TMEM117: variants seen among roughly 807,000 people sequenced by gnomAD.
TMEM117 encodes the protein transmembrane protein 117.
A neutral mutation model predicts 52.4 loss-of-function variants in TMEM117; 27 were observed. That is an observed-to-expected ratio of 0.51 (90% confidence interval 0.38 to 0.71). The LOEUF (loss-of-function observed/expected upper bound fraction) is 0.71, where lower values mean the gene tolerates loss of function less well. TMEM117 is among the 30% of genes least tolerant of loss of function. The pLI, the probability that TMEM117 is intolerant of heterozygous loss-of-function variation, is 0.00. For missense variants in TMEM117, 556 were observed against 630.5 expected, an observed-to-expected ratio of 0.88 and a Z score of 1.26; for synonymous variants, 215 against 206.3, an observed-to-expected ratio of 1.04 and a Z score of -0.36.
intron 4 of TMEM117, among the ~76,000 whole-genome samples, chr12:44,170,207 C>T (rs1354314194): frequency 6.7e-6 from 1 of 149,226 alleles, no homozygotes; most frequent in Non-Finnish European, 1.5e-5. Context: ...AAAAACCAAA[C>T]ACCACATGTT....
At chr12:43,895,065 G>A (rs1360815747) in intron 2 of TMEM117, among the ~76,000 whole-genome samples, 1 of 152,088 alleles carries the variant, frequency 6.6e-6, no homozygotes, top group Non-Finnish European at 1.5e-5. Context: ...TGTCATGGGG[G>A]TTTGTTGTGC....
chr12:43,819,500 C>T, the TMEM117 span, among the ~76,000 whole-genome samples: 1 of 152,058 alleles, frequency 6.6e-6, no homozygotes, highest in South Asian at 2.1e-4. Flanking sequence ...GGCGGCTGGG[C>T]GGGATGGCTC....
intron 3 of TMEM117, among the ~76,000 whole-genome samples, chr12:43,993,194 T>C (rs1357036962): frequency 6.6e-6 from 1 of 152,210 alleles, no homozygotes; most frequent in Non-Finnish European, 1.5e-5. Flanking sequence ...ACTGTAGTCT[T>C]TGTGCCAGAA....
intron 3 of TMEM117, among the ~76,000 whole-genome samples, chr12:43,991,328 C>T (rs1945935045): frequency 6.6e-6 from 1 of 152,146 alleles, no homozygotes; most frequent in South Asian, 2.1e-4. Flanking sequence ...ATATCCTTGA[C>T]AAATCGTCAC....
chr12:44,017,134 A>G (rs777295714), intron 3 of TMEM117, among the ~76,000 whole-genome samples: 88 of 152,100 alleles, frequency 5.8e-4, no homozygotes, highest in Non-Finnish European at 1.2e-4. Flanking sequence ...AATGTTTAGT[A>G]AAGATGAGCA....
At chr12:44,285,891 T>G (rs1448219824) in intron 5 of TMEM117, among the ~76,000 whole-genome samples, 1 of 152,248 alleles carries the variant, frequency 6.6e-6, no homozygotes. Flanking sequence ...CTTCTGCTTT[T>G]GCCTGTTTAT....
intron 4 of TMEM117, among the ~76,000 whole-genome samples, chr12:44,201,704 C>T (rs1949497884): frequency 6.6e-6 from 1 of 152,070 alleles, no homozygotes. Flanking sequence ...AAAAATGTGA[C>T]CCAATAATTT....
chr12:44,386,408 G>C (rs1952088624), intron 7 of TMEM117, among the ~76,000 whole-genome samples: 1 of 151,846 alleles, frequency 6.6e-6, no homozygotes. Context: ...TTTCCAGTTG[G>C]GTATGCCCAA....
intron 3 of TMEM117, chr12:44,008,862 T>C: frequency 2.3e-6 from 1 of 436,294 alleles, no homozygotes; most frequent in Non-Finnish European, 4.5e-6. Context: ...GTGTCATGAC[T>C]AAAGCATTTC....
intron 3 of TMEM117, among the ~76,000 whole-genome samples, chr12:44,132,159 C>T (rs1012313698): frequency 6.7e-6 from 1 of 149,602 alleles, no homozygotes; most frequent in Non-Finnish European, 1.5e-5. Context: ...TGTTAATAAG[C>T]CTTTTTTAAG....
At chr12:43,900,440 C>A (rs1944284712) in intron 2 of TMEM117, among the ~76,000 whole-genome samples, 1 of 152,092 alleles carries the variant, frequency 6.6e-6, no homozygotes, top group Non-Finnish European at 1.5e-5. Context: ...ACATTCTCGG[C>A]TGGGCACGGT....
chr12:43,908,370 C>T (rs1195064828), intron 2 of TMEM117, among the ~76,000 whole-genome samples: 3 of 85,042 alleles, frequency 3.5e-5, no homozygotes, highest in Non-Finnish European at 6.2e-5. Context: ...AAGGAACAAC[C>T]AATACCAGCC....
intron 2 of TMEM117, among the ~76,000 whole-genome samples, chr12:43,858,673 A>T (rs1046357221): frequency 2.0e-5 from 3 of 152,182 alleles, no homozygotes; most frequent in Non-Finnish European, 4.4e-5. Flanking sequence ...GTCGTTGAGG[A>T]TGTAGCCATT....
chr12:43,862,940 C>T (rs533030480), intron 2 of TMEM117, among the ~76,000 whole-genome samples: 24 of 151,762 alleles, frequency 1.6e-4, no homozygotes, highest in South Asian at 1.0e-3. Flanking sequence ...CACTCCAGCC[C>T]GGGTGACACT....
intron 3 of TMEM117, among the ~76,000 whole-genome samples, chr12:43,979,221 A>C (rs994663083): frequency 6.6e-6 from 1 of 152,044 alleles, no homozygotes; most frequent in South Asian, 2.1e-4. Flanking sequence ...ATATGTATCC[A>C]AGATACTTCC....
In TMEM117 at chr12:44,376,773, G is replaced by T. The variant is rs947916575; in HGVS notation, c.898+49G>T. On this transcript the variant is annotated intron_variant, in intron 7 of 7. Transcript: ENST00000266534. ...TTTGATTATCTTCGTACATTAGTTA[G>T]GGTAATGCTAGTTGCTGTAAAAAGC... The T allele has an allele frequency of 4.6e-6, 7 of 1,534,926 alleles. No homozygotes were observed. The African/African-American group carries it at 9.7e-5, about 21-fold the overall frequency.
intron 3 of TMEM117, among the ~76,000 whole-genome samples, chr12:43,952,219 G>A (rs1004263061): frequency 3.9e-5 from 6 of 152,180 alleles, no homozygotes; most frequent in Non-Finnish European, 7.4e-5. Flanking sequence ...CCCGGAAGCC[G>A]GAATGCCTCT....
At chr12:44,001,774 G>A (rs1443490170) in intron 3 of TMEM117, among the ~76,000 whole-genome samples, 2 of 152,080 alleles carry the variant, frequency 1.3e-5, no homozygotes, top group South Asian at 2.1e-4. Flanking sequence ...CAAGGGTATG[G>A]GAACTGGGAG....
chr12:43,912,143 T>C (rs1944514763), intron 2 of TMEM117, among the ~76,000 whole-genome samples: 1 of 150,240 alleles, frequency 6.7e-6, no homozygotes, highest in Admixed American at 6.7e-5. Flanking sequence ...GTGGCACATA[T>C]ACACCATGGA....
Sources: gnomAD v4.1 joint callset for allele counts (sites outside exome capture counted in the v4.1 genomes callset) on GRCh38, gnomAD v4.1.1 for gene constraint, MANE v1.5 for transcripts, NCBI Gene and HGNC (gene_info 2026-07-23, HGNC 2026-07-21) for gene names.